Variants in PDE8B observed in about 807,000 individuals in gnomAD.
PDE8B encodes phosphodiesterase 8B.
Under a neutral mutation model 101.3 loss-of-function variants are expected in PDE8B, and 26 were observed. That is an observed-to-expected ratio of 0.26 (90% CI 0.19 to 0.36). The LOEUF (loss-of-function observed/expected upper bound fraction) is 0.36, where lower values mean the gene tolerates loss of function less well. Ranked by LOEUF, PDE8B falls within the 10% of genes least tolerant of loss-of-function variation. PDE8B has a pLI of 1.00. For synonymous variants in PDE8B, 424 were observed against 429.3 expected, an observed-to-expected ratio of 0.99 and a Z score of 0.15; for missense variants, 810 against 1,163.1, an observed-to-expected ratio of 0.70 and a Z score of 4.42.
intron 11 of PDE8B, among the ~76,000 whole-genome samples, chr5:77,404,149 G>A (rs377253218): frequency 5.9e-5 from 9 of 152,202 alleles, no homozygotes; most frequent in African/African-American, 1.7e-4. Flanking sequence ...AACCATGCCC[G>A]GCTAATTTTT....
chr5:77,195,552 A>G, the PDE8B span, among the ~76,000 whole-genome samples: 3 of 152,154 alleles, frequency 2.0e-5, no homozygotes, highest in African/African-American at 7.2e-5. Context: ...ACCCTTGAAC[A>G]CTGTGGGGGT....
intron 1 of PDE8B, chr5:77,291,842 G>A (rs936709047): frequency 1.7e-5 from 25 of 1,510,394 alleles, no homozygotes; most frequent in African/African-American, 8.3e-5. Context: ...TGAGGTGTTC[G>A]GCAGCTGTTT....
At chr5:77,248,945 A>G (rs1240038752) in intron 1 of PDE8B, among the ~76,000 whole-genome samples, 1 of 152,216 alleles carries the variant, frequency 6.6e-6, no homozygotes, top group African/African-American at 2.4e-5. Flanking sequence ...TAAGCCAGCA[A>G]GAGAGCCCTC....
chr5:77,151,588 A>G, the PDE8B span, among the ~76,000 whole-genome samples: 2 of 152,222 alleles, frequency 1.3e-5, no homozygotes, highest in Admixed American at 1.3e-4. Context: ...GCATGTGCAC[A>G]TATTCTTTTA....
At chr5:77,131,981 T>C in the PDE8B span, among the ~76,000 whole-genome samples, 1 of 152,214 alleles carries the variant, frequency 6.6e-6, no homozygotes, top group Non-Finnish European at 1.5e-5. Context: ...ATGTGTTTTG[T>C]AATCATCAAA....
At chr5:77,120,177 A>T in the PDE8B span, among the ~76,000 whole-genome samples, 2 of 152,218 alleles carry the variant, frequency 1.3e-5, no homozygotes, top group African/African-American at 4.8e-5. Flanking sequence ...TACGCAAAAT[A>T]ATATGGTATT....
At chr5:77,378,183 G>A (rs1437738532) in intron 10 of PDE8B, among the ~76,000 whole-genome samples, 1 of 152,018 alleles carries the variant, frequency 6.6e-6, no homozygotes, top group East Asian at 1.9e-4. Context: ...GGTACTGGCC[G>A]GGCACGGCGG....
chr5:77,273,363 G>A (rs558596708), intron 1 of PDE8B, among the ~76,000 whole-genome samples: 1 of 152,154 alleles, frequency 6.6e-6, no homozygotes, highest in Non-Finnish European at 1.5e-5. Flanking sequence ...TTTCCTATGG[G>A]AAAATATGAT....
chr5:77,133,582 G>C, the PDE8B span, among the ~76,000 whole-genome samples: 2 of 152,172 alleles, frequency 1.3e-5, no homozygotes, highest in African/African-American at 2.4e-5. Flanking sequence ...CAAGAAAACT[G>C]TTATAGGAGG....
intron 1 of PDE8B, among the ~76,000 whole-genome samples, chr5:77,228,198 C>A (rs1207427600): frequency 6.6e-6 from 1 of 152,188 alleles, no homozygotes; most frequent in Non-Finnish European, 1.5e-5. Flanking sequence ...ACACCACCCT[C>A]AGTTCCTTGC....
intron 1 of PDE8B, among the ~76,000 whole-genome samples, chr5:77,240,822 A>G (rs985553558): frequency 2.6e-4 from 40 of 152,244 alleles, no homozygotes; most frequent in African/African-American, 7.0e-4. Flanking sequence ...TCCATAAAAT[A>G]AAATTATTTT....
chr5:77,189,642 A>G, the PDE8B span, among the ~76,000 whole-genome samples: 1 of 152,300 alleles, frequency 6.6e-6, no homozygotes, highest in South Asian at 2.1e-4. Flanking sequence ...CGGCATGCCC[A>G]TGGTGCAGCA....
chr5:77,195,964 G>A, the PDE8B span, among the ~76,000 whole-genome samples: 7 of 152,140 alleles, frequency 4.6e-5, no homozygotes, highest in African/African-American at 1.7e-4. Flanking sequence ...GTTGTTCAAA[G>A]GTCAACTGTA....
At chr5:77,366,834 T>C (rs778788506) in intron 10 of PDE8B, among the ~76,000 whole-genome samples, 17 of 152,322 alleles carry the variant, frequency 1.1e-4, no homozygotes, top group Non-Finnish European at 1.5e-4. Flanking sequence ...CCAAAGGTTC[T>C]AGGGGCTTCG....
chr5:77,126,541 T>G, the PDE8B span, among the ~76,000 whole-genome samples: 2 of 152,138 alleles, frequency 1.3e-5, no homozygotes, highest in Non-Finnish European at 2.9e-5. Context: ...TTCTCCCACC[T>G]CAGCCTCCCG....
chr5:77,312,638 C>G, intron 2 of PDE8B, among the ~76,000 whole-genome samples: 1 of 152,186 alleles, frequency 6.6e-6, no homozygotes, highest in East Asian at 1.9e-4. Context: ...AGCTGTGTGA[C>G]CTTGCATATA....
intron 1 of PDE8B, among the ~76,000 whole-genome samples, chr5:77,268,504 C>T (rs1004730626): frequency 2.1e-5 from 3 of 146,126 alleles, no homozygotes; most frequent in Admixed American, 1.3e-4. Flanking sequence ...TCCTGCCCCA[C>T]CCCCCCACTA....
intron 13 of PDE8B, among the ~76,000 whole-genome samples, chr5:77,408,407 T>G (rs1165619762): frequency 1.3e-5 from 2 of 152,164 alleles, no homozygotes; most frequent in Non-Finnish European, 2.9e-5. Context: ...GTGATTTCTA[T>G]GGAGAGAGGG....
chr5:77,362,113 A>T (rs896518987), intron 10 of PDE8B, among the ~76,000 whole-genome samples: 2 of 152,288 alleles, frequency 1.3e-5, no homozygotes, highest in African/African-American at 4.8e-5. Flanking sequence ...GCTTAACTCA[A>T]CTCTGCCATT....
Sources: allele counts gnomAD v4.1 joint callset (sites outside exome capture counted in the v4.1 genomes callset), GRCh38; gene constraint gnomAD v4.1.1; transcripts MANE v1.5; gene names NCBI Gene and HGNC (gene_info 2026-07-23, HGNC 2026-07-21).